H2BC18: variants seen among roughly 807,000 people sequenced by gnomAD.
H2BC18 encodes H2B clustered histone 18, also known as histone H2B type 2-F.
Under a neutral mutation model 6.3 loss-of-function variants are expected in H2BC18, and 8 were observed. The ratio of observed to expected loss-of-function variants is 1.28; its 90% confidence interval spans 0.75 to 2.31. H2BC18 has a LOEUF of 2.31. H2BC18 is among the 30% of genes most tolerant of loss of function. The pLI is 0.00. For missense variants in H2BC18, 106 were observed against 174.5 expected (o/e 0.61, Z 2.21); for synonymous variants, 104 against 78.1 (o/e 1.33, Z -1.75).
At chr1:149,801,176 C>T (rs1342660187) in intron 1 of H2BC18, among the ~76,000 whole-genome samples, 1 of 151,970 alleles carries the variant, frequency 6.6e-6, no homozygotes, top group African/African-American at 2.4e-5. Flanking sequence ...CTGTCAGTTG[C>T]CCCAAGACCA....
Position 149,789,977 on chromosome 1 carries a change from G to A in H2BC18, c.378-6717C>T. ...TTTCTAGGGCCAGGTTTCCCAAGGG[G>A]GTAAAGGGCATGTCTTTTGTGAAAA... On this transcript the variant is annotated intron_variant, in intron 1 of 1. Coordinates refer to the H2BC18 transcript ENST00000545683. The A allele has an allele frequency of 5.6e-6, 9 of 1,612,498 alleles. No homozygotes were observed. In the South Asian group the frequency reaches 7.7e-5, roughly 14 times the overall value.
At chr1:149,800,242 C>T (rs373821651) in intron 1 of H2BC18, among the ~76,000 whole-genome samples, 53 of 152,364 alleles carry the variant, frequency 3.5e-4, no homozygotes, top group African/African-American at 1.1e-3. Context: ...CCACTGGGTG[C>T]GCCGCCCTTC....
chr1:149,785,421 T>TG (rs2091520341), intron 1 of H2BC18, among the ~76,000 whole-genome samples: 1 of 135,744 alleles, frequency 7.4e-6, no homozygotes, highest in Non-Finnish European at 1.6e-5. Flanking sequence ...TTTTTTTTTT[T>TG]TTTTTTTTTT....
At chr1:149,807,513 G>GC (rs2091929029), downstream of H2BC18, among the ~76,000 whole-genome samples, 1 of 16,580 alleles carries the variant, frequency 6.0e-5, no homozygotes, top group African/African-American at 1.9e-4. Flanking sequence ...AGGCATGGCG[G>GC]GGGGGGGGGG....
At position 149,812,012 on chromosome 1, in the gene H2BC18, G is replaced by C. The variant is rs782744117; in HGVS notation, c.312C>G (p.Pro104=). 25 of 1,614,000 alleles carry C rather than the reference G, an allele frequency of 1.5e-5. No individual in the cohort carries two copies. The highest frequency in any genetic ancestry group is 1.9e-5 in the Non-Finnish European group (23 of 1,180,024). The change falls in exon 1 of 1, where the codon CCC becomes CCG. Residue 104 remains proline, a synonymous_variant. Coordinates refer to ENST00000369167, the MANE Select transcript of H2BC18 (RefSeq NM_001024599.5). ...ACACGGCGTGCTTGGCCAGCTCGCC[G>C]GGCAGCAGCAGGCGCACGGCCGTCT... ...EIQTAVRLLL[P]GELAKHAVSE...
downstream of H2BC18, among the ~76,000 whole-genome samples, chr1:149,808,921 A>C (rs2091947890): frequency 6.6e-6 from 1 of 151,536 alleles, no homozygotes; most frequent in African/African-American, 2.4e-5. Context: ...CTATGCTTAC[A>C]TTCCAAATTC....
At chr1:149,809,911 C>CT (rs2091955971), downstream of H2BC18, among the ~76,000 whole-genome samples, 2 of 150,662 alleles carry the variant, frequency 1.3e-5, 1 homozygote, top group Non-Finnish European at 3.0e-5. Flanking sequence ...AGTTAAAATG[C>CT]TTTACATGAC....
rs200095213 is a variant in H2BC18 at position 149,784,222 on chromosome 1, G to A, written c.378-962C>T. ...TACAGGTGCCAGAGAGGTCTCTCAG[G>A]GCGAAGTGACCCCATACAGCTGGAA... On this transcript the variant is annotated intron_variant, in intron 1 of 1. Coordinates refer to the H2BC18 transcript ENST00000545683. The A allele has an allele frequency of 1.1e-5, 17 of 1,610,948 alleles. No homozygotes were observed. The highest frequency in any genetic ancestry group is 1.4e-5 in the Non-Finnish European group (17 of 1,179,820).
chr1:149,797,727 A>G (rs1553752916), intron 1 of H2BC18, among the ~76,000 whole-genome samples: 1 of 152,080 alleles, frequency 6.6e-6, no homozygotes, highest in African/African-American at 2.4e-5. Flanking sequence ...CCTCCCTAGC[A>G]GTTCGAACTA....
At chr1:149,807,708 G>A (rs1446588500), downstream of H2BC18, among the ~76,000 whole-genome samples, 1 of 151,916 alleles carries the variant, frequency 6.6e-6, no homozygotes, top group Non-Finnish European at 1.5e-5. Flanking sequence ...GGGGGCTGAG[G>A]CAGGAGAATC....
At chr1:149,809,933 T>C (rs1193525044), downstream of H2BC18, among the ~76,000 whole-genome samples, 5 of 150,780 alleles carry the variant, frequency 3.3e-5, no homozygotes, top group African/African-American at 1.2e-4. Context: ...GTAGAACATT[T>C]AGGCTAAGCT....
At chr1:149,795,576 TCTTA>T (rs2091791788) in intron 1 of H2BC18, among the ~76,000 whole-genome samples, 2 of 130,242 alleles carry the variant, frequency 1.5e-5, no homozygotes, top group African/African-American at 6.1e-5. Context: ...ATTCTTTTAC[TCTTA>T]CTCTTTCCCC....
intron 1 of H2BC18, chr1:149,787,231 T>G (rs1559744347): frequency 6.6e-6 from 1 of 152,320 alleles, no homozygotes; most frequent in South Asian, 2.1e-4. Context: ...ATGCTATGTA[T>G]AGCATAGAAA....
downstream of H2BC18, chr1:149,810,281 ATTTCT>A (rs1571423224): frequency 6.6e-6 from 1 of 151,558 alleles, no homozygotes; most frequent in Non-Finnish European, 1.5e-5. Flanking sequence ...GCTATATATG[ATTTCT>A]TTACTTTCAA....
chr1:149,790,656 A>C (rs1430663682), intron 1 of H2BC18, among the ~76,000 whole-genome samples: 26 of 118,644 alleles, frequency 2.2e-4, no homozygotes, highest in Admixed American at 5.6e-4. Context: ...CCACTCCATG[A>C]CCCCCCCTTC....
chr1:149,803,344 T>G (rs1553753555), intron 1 of H2BC18, among the ~76,000 whole-genome samples: 1 of 152,204 alleles, frequency 6.6e-6, no homozygotes, highest in Non-Finnish European at 1.5e-5. Flanking sequence ...AACACTAATA[T>G]TAAAAAGTGA....
At chr1:149,794,192 C>T (rs1304829495) in intron 1 of H2BC18, 1 of 346,882 alleles carries the variant, frequency 2.9e-6, no homozygotes, top group Non-Finnish European at 5.7e-6. Context: ...TGAGAGTGGT[C>T]ACATTTGGAA....
intron 1 of H2BC18, among the ~76,000 whole-genome samples, chr1:149,800,699 T>C (rs2101469741): frequency 6.9e-6 from 1 of 145,932 alleles, no homozygotes; most frequent in Non-Finnish European, 1.5e-5. Context: ...AATAATCAAA[T>C]TTTAAATTTC....
At chr1:149,810,904 G>C (rs2091965516), downstream of H2BC18, 1 of 152,226 alleles carries the variant, frequency 6.6e-6, no homozygotes, top group South Asian at 2.1e-4. Flanking sequence ...CTCAGGAGAA[G>C]CACCTGGAAG....
Sources: allele counts gnomAD v4.1 joint callset (sites outside exome capture counted in the v4.1 genomes callset), GRCh38; gene constraint gnomAD v4.1.1; transcripts MANE v1.5; gene names NCBI Gene and HGNC (gene_info 2026-07-23, HGNC 2026-07-21).